The following CCDC88C variants were observed in gnomAD, a reference collection of about 807,000 sequenced individuals.
CCDC88C encodes protein Daple.
A neutral mutation model predicts 198.8 loss-of-function variants in CCDC88C; 131 were observed. The observed-to-expected ratio is 0.66, with a 90% confidence interval of 0.57 to 0.76. CCDC88C has a LOEUF of 0.76. Among genes scored for constraint, CCDC88C ranks in the 30% least tolerant of loss-of-function variants. The pLI, the probability that CCDC88C is intolerant of heterozygous loss-of-function variation, is 0.00. For missense variants in CCDC88C, 2,553 were observed against 2,631.6 expected (o/e 0.97, Z 0.65); for synonymous variants, 1,166 against 1,114.7 (o/e 1.05, Z -0.92).
rs1405200042 is a variant in CCDC88C, at chr14:91,271,725, A to T, written c.*900T>A. On this transcript the variant is annotated 3_prime_UTR_variant, in exon 30 of 30. Transcript: ENST00000389857. ...TATACCCAAAAAGTTATTCAGAAAT[A>T]AATCAACACCCCGAGACCGGGGATG... 4 of 152,414 alleles carry T rather than the reference A, an allele frequency of 2.6e-5. No homozygotes were observed. The highest frequency in any genetic ancestry group is 5.9e-5 in the Non-Finnish European group (4 of 68,054). 9.4% of individuals were successfully genotyped at this position (152,414 alleles called of 1,614,324 possible). A position where few individuals can be genotyped will look rare whatever the true frequency, so the allele number is the denominator to read the frequency against.
intron 6 of CCDC88C, 188 bp downstream of exon 6, chr14:91,342,192 A>T: frequency 2.4e-6 from 1 of 424,466 alleles, no homozygotes; most frequent in Non-Finnish European, 4.2e-6. Context: ...ATTTTATTTT[A>T]GCTGGCTGAT....
In CCDC88C at chr14:91,278,889, C is replaced by CTTTTTT. The variant is rs10671669; in HGVS notation, c.4768+343_4768+348dup. ...CCCCAGAGCCAAACCACCAAATACA[C>CTTTTTT]TTTTTTTTTTTTTTTTTTTTTTTTT... is the stretch of plus-strand genomic sequence containing the variant. On this transcript the variant is annotated intron_variant, in intron 28 of 29. Coordinates refer to ENST00000389857, the MANE Select transcript of CCDC88C (RefSeq NM_001080414.4). Among the ~76,000 whole-genome samples the CTTTTTT allele has an allele frequency of 1.6e-3, 85 of 54,502 alleles. 25 individuals are homozygous for CTTTTTT. The highest frequency in any genetic ancestry group is 0.021 in the Middle Eastern group (1 of 48). 35.8% of individuals were successfully genotyped at this position (54,502 alleles called of 152,430 possible).
chr14:91,334,019 A>G (rs544575247), intron 10 of CCDC88C, among the ~76,000 whole-genome samples: 1 of 152,366 alleles, frequency 6.6e-6, no homozygotes, highest in South Asian at 2.1e-4. Flanking sequence ...TTTATCGTAA[A>G]AAATATAAAA....
intron 28 of CCDC88C, among the ~76,000 whole-genome samples, chr14:91,278,791 T>C (rs1036334096): frequency 6.6e-6 from 1 of 152,038 alleles, no homozygotes; most frequent in Non-Finnish European, 1.5e-5. Context: ...GAAACTGTAC[T>C]GTGTGGCCTC....
chr14:91,368,091 A>G (rs1894623659), intron 3 of CCDC88C, among the ~76,000 whole-genome samples: 1 of 152,222 alleles, frequency 6.6e-6, no homozygotes, highest in South Asian at 2.1e-4. Context: ...AAATCAGAAA[A>G]TATTCCTCAA....
At chr14:91,282,847 A>G (rs562522758) in intron 26 of CCDC88C, among the ~76,000 whole-genome samples, 79 of 152,326 alleles carry the variant, frequency 5.2e-4, no homozygotes, top group African/African-American at 1.9e-3. Context: ...GCATTGCTTG[A>G]GGCCAGGAGG....
At position 91,309,909 on chromosome 14, in the gene CCDC88C, G is replaced by A. The variant is rs541553736; in HGVS notation, c.2814C>T (p.Val938=). 1.3e-5 allele frequency: 21 copies of A among 1,610,876 alleles called. No individual in the cohort carries two copies. Among genetic ancestry groups the A allele is most frequent in the East Asian group, 8.9e-5 (4 of 44,786 alleles). Residue 938 remains valine, a synonymous_variant, in exon 16 of 30, where the codon GTC becomes GTT. Transcript: ENST00000389857. ...GCAACAGCAGCTCCCTGTTGAGGCCGACCTTCTCCAGTTCCTGGCTCAGCT... is the reference window on the plus strand; with the variant it reads ...GCAACAGCAGCTCCCTGTTGAGGCCAACCTTCTCCAGTTCCTGGCTCAGCT... ...LDKLSQELEK[V]GLNRELLLQE...
At chr14:91,372,352 C>T (rs2139930522) in intron 3 of CCDC88C, among the ~76,000 whole-genome samples, 1 of 151,960 alleles carries the variant, frequency 6.6e-6, no homozygotes, top group Middle Eastern at 3.4e-3. Context: ...CTGATCCCAC[C>T]AGCAAATCCC....
At chr14:91,281,568 G>A in intron 26 of CCDC88C, 43 bp from the exon 27 acceptor site, 5 of 1,589,564 alleles carry the variant, frequency 3.1e-6, no homozygotes, top group Non-Finnish European at 3.5e-6. Context: ...TACGGAACAT[G>A]CCTCATCCAC....
At chr14:91,397,015 A>G (rs538088665) in intron 3 of CCDC88C, among the ~76,000 whole-genome samples, 44 of 152,320 alleles carry the variant, frequency 2.9e-4, no homozygotes, top group Non-Finnish European at 5.3e-4. Flanking sequence ...CACCAAAAAA[A>G]AAAGAAAGAA....
At chr14:91,314,756 G>C (rs1279184981) in intron 14 of CCDC88C, among the ~76,000 whole-genome samples, 1 of 152,142 alleles carries the variant, frequency 6.6e-6, no homozygotes, top group Admixed American at 6.5e-5. Context: ...GCAACATCTG[G>C]GCAGGGCCCT....
intron 4 of CCDC88C, among the ~76,000 whole-genome samples, chr14:91,347,682 C>A (rs1477300158): frequency 1.3e-5 from 2 of 152,134 alleles, no homozygotes; most frequent in African/African-American, 2.4e-5. Flanking sequence ...AGTCAGGAAA[C>A]AACAGGTGCT....
intron 4 of CCDC88C, among the ~76,000 whole-genome samples, chr14:91,351,029 G>A (rs72701422): frequency 0.012 from 1,773 of 152,176 alleles, 20 homozygotes; most frequent in Non-Finnish European, 0.019. Flanking sequence ...GAGCTATGTG[G>A]TTTCGCTTCT....
At chr14:91,312,783 T>C (rs1317290085) in intron 15 of CCDC88C, among the ~76,000 whole-genome samples, 1 of 149,168 alleles carries the variant, frequency 6.7e-6, no homozygotes, top group Non-Finnish European at 1.5e-5. Flanking sequence ...ACAACATAAT[T>C]AATAAAAACC....
intron 15 of CCDC88C, among the ~76,000 whole-genome samples, chr14:91,311,467 ACT>A (rs1211219918): frequency 5.3e-5 from 8 of 151,574 alleles, no homozygotes; most frequent in Non-Finnish European, 1.5e-5. Flanking sequence ...GATCTTCCTC[ACT>A]CTCTCTCTTC....
intron 3 of CCDC88C, among the ~76,000 whole-genome samples, chr14:91,406,688 G>A (rs1886501397): frequency 1.3e-5 from 2 of 152,244 alleles, no homozygotes; most frequent in African/African-American, 2.4e-5. Context: ...CAGGGCCCAT[G>A]CCCTGCGTAT....
intron 10 of CCDC88C, among the ~76,000 whole-genome samples, chr14:91,331,538 G>A (rs532020870): frequency 1.1e-3 from 167 of 145,450 alleles, no homozygotes; most frequent in African/African-American, 3.1e-3. Context: ...GTGTGTGCGC[G>A]TGCGAGAGAG....
intron 3 of CCDC88C, among the ~76,000 whole-genome samples, chr14:91,400,177 G>A (rs901873927): frequency 6.6e-6 from 1 of 152,156 alleles, no homozygotes; most frequent in African/African-American, 2.4e-5. Context: ...GAGCATCTCG[G>A]GCATGGAGAG....
intron 3 of CCDC88C, among the ~76,000 whole-genome samples, chr14:91,390,096 TA>T (rs373819677): frequency 0.01 from 1,362 of 135,106 alleles, 10 homozygotes; most frequent in African/African-American, 0.031. Context: ...AGAAAAAGGA[TA>T]AAAAAAAAAA....
Sources: gnomAD v4.1 joint callset for allele counts (sites outside exome capture counted in the v4.1 genomes callset) on GRCh38, gnomAD v4.1.1 for gene constraint, MANE v1.5 for transcripts, NCBI Gene and HGNC (gene_info 2026-07-23, HGNC 2026-07-21) for gene names.